The following TPD52L1 variants were observed in gnomAD, a reference collection of about 807,000 sequenced individuals.
TPD52L1 encodes the protein TPD52 like 1.
Under a neutral mutation model 28.7 loss-of-function variants are expected in TPD52L1, and 18 were observed. That is an observed-to-expected ratio of 0.63 (90% CI 0.43 to 0.93). The LOEUF (loss-of-function observed/expected upper bound fraction) is 0.93. TPD52L1 is among the 40% of genes least tolerant of loss of function. TPD52L1 has a pLI of 0.00. For synonymous variants in TPD52L1, 75 were observed against 88.8 expected (o/e 0.84, Z 0.88); for missense variants, 203 against 254.8 (o/e 0.80, Z 1.39).
chr6:125,236,733 G>A (rs1209961127), intron 3 of TPD52L1, among the ~76,000 whole-genome samples: 1 of 152,092 alleles, frequency 6.6e-6, no homozygotes, highest in Non-Finnish European at 1.5e-5. Flanking sequence ...GCCACACAGA[G>A]TCAGTGGCAG....
chr6:125,179,134 G>A (rs182062778), intron 1 of TPD52L1, among the ~76,000 whole-genome samples: 2 of 152,272 alleles, frequency 1.3e-5, no homozygotes, highest in East Asian at 3.9e-4. Context: ...TGAATTCTGG[G>A]CATCCCTCTT....
At chr6:125,257,414 C>T (rs951347685) in intron 6 of TPD52L1, among the ~76,000 whole-genome samples, 2 of 152,210 alleles carry the variant, frequency 1.3e-5, no homozygotes, top group African/African-American at 4.8e-5. Flanking sequence ...CACTTAATCT[C>T]TTAATGCTAT....
At position 125,262,975 on chromosome 6, in the gene TPD52L1, T is replaced by C; in HGVS notation, c.*13T>C. The C allele has an allele frequency of 6.2e-7, 1 of 1,609,270 alleles. No individual in the cohort carries two copies. The highest frequency in any genetic ancestry group is 1.1e-5 in the South Asian group (1 of 90,548). ...GCTGCAGTGCTAAGTCCAGCCAGCG[T>C]GCAGCTGCATCCAGAAACCGGCCAC... is the stretch of plus-strand genomic sequence containing the variant. On this transcript the variant is annotated 3_prime_UTR_variant, in exon 7 of 7. Coordinates refer to ENST00000534000, the MANE Select transcript of TPD52L1 (RefSeq NM_003287.4).
chr6:125,213,257 A>G (rs1794638687), intron 1 of TPD52L1, among the ~76,000 whole-genome samples: 1 of 152,148 alleles, frequency 6.6e-6, no homozygotes, highest in East Asian at 1.9e-4. Context: ...CAGCAAAGTT[A>G]TCTTCTAGTT....
intron 1 of TPD52L1, among the ~76,000 whole-genome samples, chr6:125,208,486 G>C (rs1241976602): frequency 6.6e-6 from 1 of 152,062 alleles, no homozygotes; most frequent in East Asian, 1.9e-4. Flanking sequence ...GGAGGAGGGA[G>C]CATCACCCTT....
At chr6:125,155,767 T>C (rs1426138195) in intron 1 of TPD52L1, among the ~76,000 whole-genome samples, 4 of 152,198 alleles carry the variant, frequency 2.6e-5, no homozygotes, top group Admixed American at 2.6e-4. Context: ...GTTTATTGTG[T>C]CCCTGTCTCT....
At chr6:125,248,542 C>T in intron 4 of TPD52L1, 159 bp downstream of exon 4, 1 of 603,736 alleles carries the variant, frequency 1.7e-6, no homozygotes, top group Non-Finnish European at 2.9e-6. Flanking sequence ...GATAAATTTT[C>T]ACACTGGGAC....
chr6:125,238,007 C>T (rs1378828024), intron 3 of TPD52L1, among the ~76,000 whole-genome samples: 1 of 152,166 alleles, frequency 6.6e-6, no homozygotes, highest in Non-Finnish European at 1.5e-5. Context: ...TTTCATTACC[C>T]AGTTACTACT....
chr6:125,212,427 T>C (rs1794586206), intron 1 of TPD52L1, among the ~76,000 whole-genome samples: 2 of 152,216 alleles, frequency 1.3e-5, no homozygotes, highest in Non-Finnish European at 2.9e-5. Context: ...AAATCATAGT[T>C]TGTAATCATT....
rs143491265 is a variant in TPD52L1 at position 125,210,481 on chromosome 6, A to G, written c.20-9597A>G. ...CATAGGGCTCCCTTCTAAGGATCAGACAGATTAAGCCAGAATAAGAAACTG... is the reference window on the plus strand; with the variant it reads ...CATAGGGCTCCCTTCTAAGGATCAGGCAGATTAAGCCAGAATAAGAAACTG... On this transcript the variant is annotated intron_variant, in intron 1 of 6. Coordinates refer to ENST00000534000, the MANE Select transcript of TPD52L1 (RefSeq NM_003287.4). Among the ~76,000 whole-genome samples, 701 of 152,330 alleles carry G rather than the reference A, an allele frequency of 4.6e-3. 2 individuals are homozygous for G. Among genetic ancestry groups the G allele is most frequent in the Middle Eastern group, 0.014 (4 of 294 alleles).
At chr6:125,228,526 T>A (rs1163173855) in intron 2 of TPD52L1, among the ~76,000 whole-genome samples, 1 of 152,202 alleles carries the variant, frequency 6.6e-6, no homozygotes, top group Non-Finnish European at 1.5e-5. Flanking sequence ...CCTATGCAAC[T>A]GTGTGTGGTT....
intron 1 of TPD52L1, among the ~76,000 whole-genome samples, chr6:125,159,520 G>A (rs964307891): frequency 6.6e-6 from 1 of 152,144 alleles, no homozygotes; most frequent in Non-Finnish European, 1.5e-5. Context: ...ATTCAGGAGG[G>A]TTGGAGTCCA....
intron 1 of TPD52L1, among the ~76,000 whole-genome samples, chr6:125,189,629 C>T (rs1792897048): frequency 6.6e-6 from 1 of 152,080 alleles, no homozygotes; most frequent in African/African-American, 2.4e-5. Context: ...ACATTGATGC[C>T]TTTGATTGTG....
intron 1 of TPD52L1, among the ~76,000 whole-genome samples, chr6:125,181,058 A>G (rs2114820299): frequency 6.6e-6 from 1 of 152,306 alleles, no homozygotes. Context: ...TCGAGCCTAC[A>G]GTTTGTTTTT....
intron 1 of TPD52L1, among the ~76,000 whole-genome samples, chr6:125,199,260 T>C (rs1192352879): frequency 6.6e-6 from 1 of 152,248 alleles, no homozygotes; most frequent in Non-Finnish European, 1.5e-5. Flanking sequence ...TTACCAGTAA[T>C]GTAGTATAAA....
At chr6:125,180,573 C>T (rs546168) in intron 1 of TPD52L1, among the ~76,000 whole-genome samples, 47,396 of 130,922 alleles carry the variant, frequency 0.36, 7,551 homozygotes, top group Admixed American at 0.45. Context: ...TATATATACA[C>T]ACACACACAC....
intron 2 of TPD52L1, 72 bp from the exon 3 acceptor site, chr6:125,229,046 C>T: frequency 6.5e-7 from 1 of 1,529,152 alleles, no homozygotes; most frequent in Non-Finnish European, 8.9e-7. Flanking sequence ...CTTTGGAATA[C>T]CCAGAGCTTC....
At chr6:125,210,033 T>C (rs1386190239) in intron 1 of TPD52L1, among the ~76,000 whole-genome samples, 1 of 152,142 alleles carries the variant, frequency 6.6e-6, no homozygotes, top group Non-Finnish European at 1.5e-5. Context: ...GAGCTCTTCT[T>C]TGAAAAAAAG....
At chr6:125,174,107 A>G (rs1791677709) in intron 1 of TPD52L1, among the ~76,000 whole-genome samples, 1 of 152,218 alleles carries the variant, frequency 6.6e-6, no homozygotes, top group Non-Finnish European at 1.5e-5. Flanking sequence ...GTGATGATTG[A>G]GTGGCATGAT....
Sources: allele counts gnomAD v4.1 joint callset (sites outside exome capture counted in the v4.1 genomes callset), GRCh38; gene constraint gnomAD v4.1.1; transcripts MANE v1.5; gene names NCBI Gene and HGNC (gene_info 2026-07-23, HGNC 2026-07-21).